The following CEP192 variants were observed in gnomAD, a reference collection of about 807,000 sequenced individuals.
The protein encoded by CEP192 is centrosomal protein 192.
A neutral mutation model predicts 271.8 loss-of-function variants in CEP192; 151 were observed. That is an observed-to-expected ratio of 0.56 (90% CI 0.49 to 0.64). The LOEUF (loss-of-function observed/expected upper bound fraction) is 0.64, where lower values mean the gene tolerates loss of function less well. Among genes scored for constraint, CEP192 ranks in the 30% least tolerant of loss-of-function variants. CEP192 has a pLI of 0.00. For missense variants in CEP192, 2,910 were observed against 3,020.5 expected, an observed-to-expected ratio of 0.96 and a Z score of 0.86; for synonymous variants, 995 against 1,076.5, an observed-to-expected ratio of 0.92 and a Z score of 1.48.
In CEP192 at chr18:13,053,085, C is replaced by A; in HGVS notation, c.3184C>A (p.Arg1062Ser). The A allele has an allele frequency of 6.2e-7, 1 of 1,600,154 alleles. No homozygotes were observed. Among genetic ancestry groups the A allele is most frequent in the South Asian group, 1.1e-5 (1 of 89,664 alleles). The part of the protein sequence containing the change: ...TTATDDALED[R>S]KSDITSELST... ...AGCCACAGATGATGCCCTGGAGGAC[C>A]GCAAGGTGGGCAGCCACTTGGATTA... The change falls in exon 18 of 45, where the codon CGC (arginine) becomes AGC (serine). Residue 1062 changes from arginine (R) to serine (S), a missense_variant. By Grantham distance (110) the Arg-to-Ser change is moderately radical. Transcript: ENST00000506447.
chr18:13,068,252 G>T lies in CEP192; in HGVS notation c.4758+15G>T. ...ATGATGGACAGGTGGGAGAGAACTGGCTTAGAATTAAAGAGGAAATTAAGC... is the reference window on the plus strand; with the variant it reads ...ATGATGGACAGGTGGGAGAGAACTGTCTTAGAATTAAAGAGGAAATTAAGC... On this transcript the variant is annotated intron_variant, in intron 23 of 44. Coordinates refer to ENST00000506447, the MANE Select transcript of CEP192 (RefSeq NM_032142.4). 1.2e-6 allele frequency: 2 copies of T among 1,612,344 alleles called. No individual in the cohort carries two copies. Among genetic ancestry groups the T allele is most frequent in the Non-Finnish European group, 1.7e-6 (2 of 1,178,730 alleles).
chr18:13,069,428 A>AT (rs1441444842), intron 26 of CEP192, among the ~76,000 whole-genome samples: 3 of 152,202 alleles, frequency 2.0e-5, no homozygotes, highest in Non-Finnish European at 4.4e-5. Context: ...CCTGAAAAAC[A>AT]TGCATGTCAC....
intron 9 of CEP192, among the ~76,000 whole-genome samples, chr18:13,019,570 C>G (rs371879756): frequency 1.3e-5 from 2 of 152,152 alleles, no homozygotes; most frequent in East Asian, 3.9e-4. Context: ...GTGCCTGAAG[C>G]TTGGTAGTCA....
Position 13,030,554 on chromosome 18 carries a change from CAA to C in CEP192, c.1483_1484del (p.Asn495PhefsTer7). ...LAYYTSFNSK[Q>X]NLNVSLSDEM... ...CTATTACACATCTTTTAATAGCAAACAAAATTTAAATGTGTCTCTAAGTGATG... is the reference window on the plus strand; with the variant it reads ...CTATTACACATCTTTTAATAGCAAACAATTTAAATGTGTCTCTAAGTGATG... On this transcript the variant is annotated frameshift_variant, in exon 11 of 45. Transcript: ENST00000506447. LOFTEE classifies it high-confidence loss of function. 6.2e-7 allele frequency: 1 copy of C among 1,612,260 alleles called. No individual in the cohort carries two copies. The highest frequency in any genetic ancestry group is 1.1e-5 in the South Asian group (1 of 91,010).
At chr18:12,999,105 C>G (rs1024776466) in intron 1 of CEP192, among the ~76,000 whole-genome samples, 2 of 152,074 alleles carry the variant, frequency 1.3e-5, no homozygotes, top group African/African-American at 4.8e-5. Flanking sequence ...TCTTTGCTTT[C>G]TTTACTAGAT....
At chr18:13,117,538 A>G in intron 43 of CEP192, 47 bp from the exon 44 acceptor site, 1 of 1,376,344 alleles carries the variant, frequency 7.3e-7, no homozygotes, top group South Asian at 1.2e-5. Flanking sequence ...ATATGCTAAA[A>G]GATCTAATTT....
In CEP192 at chr18:13,092,374, C is replaced by T. The variant is rs1364176833; in HGVS notation, c.6104-3C>T. The T allele has an allele frequency of 6.4e-7, 1 of 1,565,648 alleles. No homozygotes were observed. The highest frequency in any genetic ancestry group is 8.7e-7 in the Non-Finnish European group (1 of 1,148,770). ...GTATTTCAAACATTATTTTCTATTTCAGTATATGATCTTCCCCAACGACCT... is the reference window on the plus strand; with the variant it reads ...GTATTTCAAACATTATTTTCTATTTTAGTATATGATCTTCCCCAACGACCT... On this transcript the variant is annotated splice_region_variant and splice_polypyrimidine_tract_variant and intron_variant, in intron 33 of 44. Transcript: ENST00000506447.
At chr18:13,121,605 G>T (rs1459077456) in intron 44 of CEP192, among the ~76,000 whole-genome samples, 1 of 152,202 alleles carries the variant, frequency 6.6e-6, no homozygotes, top group African/African-American at 2.4e-5. Flanking sequence ...TTTTTTGAGG[G>T]TTCTGAGAGA....
chr18:13,115,594 A>C (rs534934995), intron 42 of CEP192, among the ~76,000 whole-genome samples: 1 of 152,148 alleles, frequency 6.6e-6, no homozygotes, highest in African/African-American at 2.4e-5. Flanking sequence ...AAAGGAGTCC[A>C]GGAGTAAAAT....
chr18:13,070,292 C>T (rs1046156293), intron 27 of CEP192, among the ~76,000 whole-genome samples: 2 of 152,186 alleles, frequency 1.3e-5, no homozygotes, highest in East Asian at 1.9e-4. Context: ...TCTGTTTAAT[C>T]TCCTTTCATT....
chr18:13,034,860 A>G (rs1031818165), intron 11 of CEP192, among the ~76,000 whole-genome samples: 1 of 146,956 alleles, frequency 6.8e-6, no homozygotes, highest in African/African-American at 2.5e-5. Context: ...CTTCTTCCCC[A>G]TGCCTGCCTT....
At chr18:13,115,672 A>AG (rs2040395884) in intron 42 of CEP192, among the ~76,000 whole-genome samples, 1 of 152,292 alleles carries the variant, frequency 6.6e-6, no homozygotes, top group South Asian at 2.1e-4. Context: ...GACTGGATAA[A>AG]GGGGATGGCT....
intron 12 of CEP192, among the ~76,000 whole-genome samples, chr18:13,037,696 C>T (rs7243276): frequency 0.14 from 20,546 of 152,082 alleles, 1,533 homozygotes; most frequent in East Asian, 0.31. Context: ...GCTGGGATTG[C>T]AGGCATGTGC....
Position 13,059,186 on chromosome 18 carries a change from G to A in CEP192, c.4362G>A (p.Gly1454=), listed in dbSNP as rs763149081. The A allele has an allele frequency of 6.2e-7, 1 of 1,614,064 alleles. No homozygotes were observed. The highest frequency in any genetic ancestry group is 8.5e-7 in the Non-Finnish European group (1 of 1,179,956). Residue 1454 remains glycine (G), a synonymous_variant, in exon 21 of 45, where the codon GGG becomes GGA. Coordinates refer to ENST00000506447, the MANE Select transcript of CEP192 (RefSeq NM_032142.4). ...IKVLFIPSSP[G]VFRCTFSVAS... is the part of the protein sequence containing the mutation. ...TGCTTTTTATACCATCCAGTCCTGG[G>A]GTTTTCAGATGCACATTCAGTGTTG...
intron 9 of CEP192, among the ~76,000 whole-genome samples, chr18:13,024,888 G>A (rs1365373980): frequency 6.6e-6 from 1 of 152,048 alleles, no homozygotes; most frequent in African/African-American, 2.4e-5. Context: ...TCCTGCCTCA[G>A]CCTCCCAAGT....
chr18:13,119,005 C>T (rs983638395), intron 44 of CEP192, among the ~76,000 whole-genome samples: 2 of 152,222 alleles, frequency 1.3e-5, no homozygotes, highest in Non-Finnish European at 2.9e-5. Flanking sequence ...TCTCCAAGTT[C>T]TCCTCTCATA....
rs375208349 is a variant in CEP192, at chr18:13,092,328, T to C, written c.6104-49T>C. Reference sequence around the variant, plus strand: ...TACAAATGTATCTGTTACTTTGTGGTATGCTTGTGTGAACATTCATGTATT... The same window carrying C: ...TACAAATGTATCTGTTACTTTGTGGCATGCTTGTGTGAACATTCATGTATT... On this transcript the variant is annotated intron_variant, in intron 33 of 44. Transcript: ENST00000506447. 24 of 1,249,574 alleles carry C rather than the reference T, an allele frequency of 1.9e-5. 1 individual carries two copies. In the East Asian group the frequency reaches 4.4e-4, roughly 23 times the overall value. 77.4% of individuals were successfully genotyped at this position (1,249,574 alleles called of 1,614,324 possible).
At chr18:13,095,254 G>A (rs1042464934) in intron 34 of CEP192, among the ~76,000 whole-genome samples, 17 of 151,906 alleles carry the variant, frequency 1.1e-4, no homozygotes, top group African/African-American at 3.9e-4. Flanking sequence ...CTCCCGCCTC[G>A]GCCTCCCAAA....
At chr18:13,109,565 A>T (rs753665750) in intron 40 of CEP192, among the ~76,000 whole-genome samples, 3 of 152,170 alleles carry the variant, frequency 2.0e-5, no homozygotes, top group Non-Finnish European at 2.9e-5. Context: ...GAACAACAAT[A>T]AGCCCATTTT....
Sources: gnomAD v4.1 joint callset for allele counts (sites outside exome capture counted in the v4.1 genomes callset) on GRCh38, gnomAD v4.1.1 for gene constraint, MANE v1.5 for transcripts, NCBI Gene and HGNC (gene_info 2026-07-23, HGNC 2026-07-21) for gene names.